Variants in VAMP7 observed in about 807,000 individuals in gnomAD.
VAMP7 encodes vesicle-associated membrane protein 7.
A neutral mutation model predicts 29.6 loss-of-function variants in VAMP7; 14 were observed. That is an observed-to-expected ratio of 0.47 (90% CI 0.31 to 0.74). The LOEUF (loss-of-function observed/expected upper bound fraction) is 0.74. Among genes scored for constraint, VAMP7 ranks in the 30% least tolerant of loss-of-function variants. The pLI, the probability that VAMP7 is intolerant of heterozygous loss-of-function variation, is 0.05. For synonymous variants in VAMP7, 95 were observed against 88.1 expected (o/e 1.08, Z -0.44); for missense variants, 223 against 262.4 (o/e 0.85, Z 1.04).
intron 5 of VAMP7, among the ~76,000 whole-genome samples, chrX:155,905,616 G>T (rs2066136395): frequency 6.6e-6 from 1 of 152,102 alleles, no homozygotes; most frequent in Non-Finnish European, 1.5e-5. Flanking sequence ...TAATTCTGTT[G>T]AATATGTATA....
At chrX:155,919,731 A>T in intron 5 of VAMP7, 82 bp from the exon 6 acceptor site, 2 of 1,229,406 alleles carry the variant, frequency 1.6e-6, no homozygotes, top group Non-Finnish European at 2.4e-6. Flanking sequence ...TGTATTCATT[A>T]AGTTATATTA....
chrX:155,930,791 G>A (rs1173538205), intron 6 of VAMP7, among the ~76,000 whole-genome samples: 11 of 151,024 alleles, frequency 7.3e-5, no homozygotes, highest in South Asian at 4.2e-4. Context: ...AACATGTGCC[G>A]TGTTGGTGTG....
chrX:155,895,954 C>T (rs1424710958), intron 3 of VAMP7, among the ~76,000 whole-genome samples: 3 of 152,060 alleles, frequency 2.0e-5, no homozygotes, highest in African/African-American at 4.8e-5. Context: ...ATTGCATGCT[C>T]CTTAGGAGAA....
rs770265952 is a variant in VAMP7, at chrX:155,898,172, A to G, written c.265A>G (p.Thr89Ala). Residue 89 changes from threonine to alanine, a missense_variant, in exon 4 of 8, where the codon ACT becomes GCT. Physicochemically the swap from Thr to Ala is moderately conservative, Grantham distance 58. Transcript: ENST00000286448. ...LNEIKKRFQT[T>A]YGSRAQTALP... ...TGAGATAAAGAAGAGGTTCCAGACT[A>G]CTTACGGTTCAAGAGCACAGACAGC... is the stretch of plus-strand genomic sequence containing the variant. 2.5e-6 allele frequency: 4 copies of G among 1,613,528 alleles called. No homozygotes were observed. Among genetic ancestry groups the G allele is most frequent in the Non-Finnish European group, 3.4e-6 (4 of 1,179,678 alleles).
intron 6 of VAMP7, among the ~76,000 whole-genome samples, chrX:155,927,599 C>T (rs2066489045): frequency 6.6e-6 from 1 of 150,420 alleles, no homozygotes; most frequent in African/African-American, 2.4e-5. Flanking sequence ...AGTTCTGTTT[C>T]AGTGTACGAT....
intron 5 of VAMP7, among the ~76,000 whole-genome samples, chrX:155,914,757 G>T (rs1394316970): frequency 6.6e-6 from 1 of 152,030 alleles, no homozygotes; most frequent in African/African-American, 2.4e-5. Flanking sequence ...TGATGGGTTC[G>T]ATTTGCCAGT....
intron 5 of VAMP7, among the ~76,000 whole-genome samples, chrX:155,912,597 G>A: frequency 6.6e-6 from 1 of 151,964 alleles, no homozygotes; most frequent in East Asian, 1.9e-4. Flanking sequence ...ACTTATGAGT[G>A]AGAACACGTG....
In VAMP7 at chrX:155,889,900, A is replaced by G. The variant is rs757024140; in HGVS notation, c.146+288A>G. On this transcript the variant is annotated intron_variant, in intron 2 of 7. Coordinates refer to ENST00000286448, the MANE Select transcript of VAMP7 (RefSeq NM_005638.6). ...TGTGTGATATGTGAAAATAATTCAGATAAGATAGATAATGTTCCTTTGTTC... is the reference window on the plus strand; with the variant it reads ...TGTGTGATATGTGAAAATAATTCAGGTAAGATAGATAATGTTCCTTTGTTC... 2.6e-5 allele frequency among the ~76,000 whole-genome samples: 4 copies of G among 151,912 alleles called. No individual in the cohort carries two copies. The South Asian group carries it at 6.2e-4, about 24-fold the overall frequency.
chrX:155,881,387 C>A lies in VAMP7; in HGVS notation c.-71C>A, dbSNP rs1373996459. On this transcript the variant is annotated 5_prime_UTR_variant, in exon 1 of 8. Coordinates refer to ENST00000286448, the MANE Select transcript of VAMP7 (RefSeq NM_005638.6). ...TCCTCTGGGAGCGGGCAGTTGGCGA[C>A]CCTGCACTGACCCGCGTCCCTCCGT... 6.6e-6 allele frequency: 1 copy of A among 152,380 alleles called. No homozygotes were observed. Among genetic ancestry groups the A allele is most frequent in the Non-Finnish European group, 1.5e-5 (1 of 68,194 alleles). 9.4% of individuals were successfully genotyped at this position (152,380 alleles called of 1,614,324 possible). A position where few individuals can be genotyped will look rare whatever the true frequency, so the allele number is the denominator to read the frequency against.
intron 5 of VAMP7, among the ~76,000 whole-genome samples, chrX:155,913,445 C>T (rs1224124142): frequency 6.6e-6 from 1 of 152,122 alleles, no homozygotes; most frequent in African/African-American, 2.4e-5. Flanking sequence ...GAAATCTTTG[C>T]CCATACCTAT....
At chrX:155,933,287 C>G (rs1206930052) in intron 6 of VAMP7, among the ~76,000 whole-genome samples, 2 of 152,168 alleles carry the variant, frequency 1.3e-5, no homozygotes, top group Non-Finnish European at 2.9e-5. Context: ...GGTGTCAGCT[C>G]CTCCTTGTAC....
At chrX:155,913,473 C>T (rs2066267464) in intron 5 of VAMP7, among the ~76,000 whole-genome samples, 1 of 151,962 alleles carries the variant, frequency 6.6e-6, no homozygotes, top group South Asian at 2.1e-4. Context: ...ATGGTATTGC[C>T]CAGGTTTTCT....
chrX:155,909,326 TC>T lies in VAMP7; in HGVS notation c.433+8741del, dbSNP rs747243882. Among the ~76,000 whole-genome samples the T allele has an allele frequency of 7.2e-5, 11 of 152,296 alleles. No individual in the cohort carries two copies. The South Asian group carries it at 1.9e-3, about 26-fold the overall frequency. On this transcript the variant is annotated intron_variant, in intron 5 of 7. Coordinates refer to ENST00000286448, the MANE Select transcript of VAMP7 (RefSeq NM_005638.6). ...ATTTTGTAAGTTTGGTGGTGATGTC[TC>T]CTCTTTCATTTCTGATTTTAGTAAT... is the stretch of plus-strand genomic sequence containing the variant.
At chrX:155,897,354 A>G (rs2066000967) in intron 3 of VAMP7, among the ~76,000 whole-genome samples, 1 of 152,154 alleles carries the variant, frequency 6.6e-6, no homozygotes, top group Non-Finnish European at 1.5e-5. Context: ...ACTGTCAACC[A>G]TAGTGATCAT....
At chrX:155,898,320 G>C in intron 4 of VAMP7, 71 bp downstream of exon 4, 1 of 1,562,500 alleles carries the variant, frequency 6.4e-7, no homozygotes, top group South Asian at 1.2e-5. Context: ...TATGAATCTA[G>C]GGGGCCCTGA....
intron 2 of VAMP7, among the ~76,000 whole-genome samples, chrX:155,894,038 A>T (rs1415414325): frequency 6.6e-6 from 1 of 152,184 alleles, no homozygotes; most frequent in Non-Finnish European, 1.5e-5. Context: ...GTCCTCTGTG[A>T]ACATTAATAT....
At chrX:155,903,113 G>C (rs919618161) in intron 5 of VAMP7, among the ~76,000 whole-genome samples, 1 of 151,850 alleles carries the variant, frequency 6.6e-6, no homozygotes, top group African/African-American at 2.4e-5. Context: ...TGTATGTGTC[G>C]AGGAATTTAT....
At chrX:155,933,434 G>A (rs748226316) in intron 6 of VAMP7, among the ~76,000 whole-genome samples, 2 of 152,238 alleles carry the variant, frequency 1.3e-5, no homozygotes, top group African/African-American at 4.8e-5. Flanking sequence ...AGTCTTGGGA[G>A]GGTGTATGTG....
intron 5 of VAMP7, among the ~76,000 whole-genome samples, chrX:155,904,376 A>AAAAAC (rs61095155): frequency 3.6e-4 from 54 of 151,386 alleles, no homozygotes; most frequent in Middle Eastern, 3.4e-3. Flanking sequence ...AAAATAAAAA[A>AAAAAC]AGCAAATTTA....
Sources: gnomAD v4.1 joint callset for allele counts (sites outside exome capture counted in the v4.1 genomes callset) on GRCh38, gnomAD v4.1.1 for gene constraint, MANE v1.5 for transcripts, NCBI Gene and HGNC (gene_info 2026-07-23, HGNC 2026-07-21) for gene names.